The following RNF180 variants were observed in gnomAD, a reference collection of about 807,000 sequenced individuals.
The protein encoded by RNF180 is ring finger protein 180.
RNF180 carries 38 observed loss-of-function variants against 59.2 expected under a neutral mutation model. The ratio of observed to expected loss-of-function variants is 0.64; its 90% CI spans 0.50 to 0.84. The LOEUF is 0.84. RNF180 is among the 40% of genes least tolerant of loss of function. The pLI is 0.00. For missense variants in RNF180, 705 were observed against 700.9 expected (o/e 1.01, Z -0.07); for synonymous variants, 262 against 240.3 (o/e 1.09, Z -0.84).
chr5:64,282,700 A>G (rs935122468), intron 5 of RNF180, among the ~76,000 whole-genome samples: 1 of 152,026 alleles, frequency 6.6e-6, no homozygotes, highest in South Asian at 2.1e-4. Context: ...ACACTGTTTT[A>G]GTTGTTTTCC....
intron 5 of RNF180, among the ~76,000 whole-genome samples, chr5:64,281,389 C>G (rs1742003729): frequency 6.6e-6 from 1 of 152,228 alleles, no homozygotes; most frequent in Non-Finnish European, 1.5e-5. Flanking sequence ...AGTTCTTAAG[C>G]AGAATGCTTC....
chr5:64,226,471 G>T (rs558482576), intron 5 of RNF180, among the ~76,000 whole-genome samples: 157 of 152,192 alleles, frequency 1.0e-3, no homozygotes, highest in African/African-American at 3.6e-3. Context: ...CAGCATGCTC[G>T]TTAAGAGTCA....
chr5:64,169,812 G>T (rs1367501359), intron 1 of RNF180, among the ~76,000 whole-genome samples: 1 of 152,192 alleles, frequency 6.6e-6, no homozygotes, highest in African/African-American at 2.4e-5. Flanking sequence ...AAGAAGTCTT[G>T]TGCAGCTATA....
chr5:64,213,766 G>C lies in RNF180; in HGVS notation c.440G>C (p.Cys147Ser). 2 of 1,614,194 alleles carry C rather than the reference G, an allele frequency of 1.2e-6. No homozygotes were observed. The highest frequency in any genetic ancestry group is 8.5e-7 in the Non-Finnish European group (1 of 1,180,024). ...TCACATCCTAGAGTTCAGTCAGGTT[G>C]TGACAAGGAAGCTCTGCTGACAGGT... is the stretch of plus-strand genomic sequence containing the variant. ...YLSHPRVQSGCDKEALLTGGG... is the reference protein window; with the variant it reads ...YLSHPRVQSGSDKEALLTGGG... The change falls in exon 4 of 8, where the codon TGT (cysteine) becomes TCT (serine). Residue 147 changes from cysteine to serine, a missense_variant. Transcript: ENST00000389100.
chr5:64,189,532 GGTA>G (rs1751033770), intron 1 of RNF180, among the ~76,000 whole-genome samples: 1 of 152,170 alleles, frequency 6.6e-6, no homozygotes, highest in Non-Finnish European at 1.5e-5. Flanking sequence ...CTTTGTGGAA[GGTA>G]GAACTTGTGA....
At chr5:64,347,013 GA>G (rs1441493871) in intron 7 of RNF180, among the ~76,000 whole-genome samples, 1 of 152,164 alleles carries the variant, frequency 6.6e-6, no homozygotes, top group Non-Finnish European at 1.5e-5. Context: ...TAAAAGAGAC[GA>G]ACAGTGTTTG....
At chr5:64,204,504 C>CT (rs1264091255) in intron 2 of RNF180, among the ~76,000 whole-genome samples, 1 of 152,082 alleles carries the variant, frequency 6.6e-6, no homozygotes, top group African/African-American at 2.4e-5. Context: ...TGCAAAATGT[C>CT]TTTTTTTCTT....
intron 5 of RNF180, among the ~76,000 whole-genome samples, chr5:64,300,231 T>C (rs192189173): frequency 5.7e-4 from 87 of 151,884 alleles, no homozygotes; most frequent in African/African-American, 2.1e-3. Flanking sequence ...TAAGAATGAG[T>C]ATTTTGTGTG....
chr5:64,239,738 G>A (rs925495149), intron 5 of RNF180, among the ~76,000 whole-genome samples: 5 of 151,784 alleles, frequency 3.3e-5, no homozygotes, highest in Admixed American at 6.6e-5. Flanking sequence ...ATATCTCCTT[G>A]GATATAAATA....
intron 2 of RNF180, among the ~76,000 whole-genome samples, chr5:64,206,590 A>T (rs532610775): frequency 6.6e-5 from 10 of 152,316 alleles, no homozygotes; most frequent in Non-Finnish European, 1.0e-4. Flanking sequence ...GTGATACCGT[A>T]TATTTGTTCC....
intron 5 of RNF180, among the ~76,000 whole-genome samples, chr5:64,285,344 C>G (rs1047761951): frequency 2.6e-5 from 4 of 152,164 alleles, no homozygotes; most frequent in African/African-American, 4.8e-5. Flanking sequence ...GTATACATAT[C>G]AGCTGGGGTG....
chr5:64,256,904 A>C (rs940367718), intron 5 of RNF180, among the ~76,000 whole-genome samples: 3 of 152,144 alleles, frequency 2.0e-5, no homozygotes, highest in African/African-American at 7.2e-5. Flanking sequence ...GTTCTTCTTG[A>C]AGAGGTCCTT....
chr5:64,207,874 T>C (rs1752100395), intron 2 of RNF180, among the ~76,000 whole-genome samples: 1 of 152,146 alleles, frequency 6.6e-6, no homozygotes, highest in Non-Finnish European at 1.5e-5. Flanking sequence ...GTCTTTTCCC[T>C]GTGGTGTTAG....
At chr5:64,189,382 A>AT (rs1402584263) in intron 1 of RNF180, among the ~76,000 whole-genome samples, 1 of 152,190 alleles carries the variant, frequency 6.6e-6, no homozygotes, top group Non-Finnish European at 1.5e-5. Flanking sequence ...AGGAATGTGG[A>AT]TGTTAAAGGT....
chr5:64,362,798 G>A (rs184980198), intron 7 of RNF180, among the ~76,000 whole-genome samples: 7 of 151,810 alleles, frequency 4.6e-5, no homozygotes, highest in Non-Finnish European at 1.0e-4. Context: ...GGTGTGAGAT[G>A]GTATCTCATT....
At chr5:64,224,375 C>T (rs1305424840) in intron 5 of RNF180, among the ~76,000 whole-genome samples, 2 of 151,998 alleles carry the variant, frequency 1.3e-5, no homozygotes, top group Non-Finnish European at 2.9e-5. Flanking sequence ...AATATAGGCC[C>T]TGGCAGTAAA....
chr5:64,336,882 T>C (rs1460004051), intron 7 of RNF180, among the ~76,000 whole-genome samples: 2 of 152,144 alleles, frequency 1.3e-5, no homozygotes, highest in African/African-American at 4.8e-5. Flanking sequence ...TCTTTCATTG[T>C]AAGGAATTCT....
At chr5:64,224,917 T>C (rs772469420) in intron 5 of RNF180, among the ~76,000 whole-genome samples, 29 of 152,302 alleles carry the variant, frequency 1.9e-4, no homozygotes, top group Non-Finnish European at 3.2e-4. Flanking sequence ...CCTTCTGCCA[T>C]GTGAGGATGC....
chr5:64,218,225 G>A (rs1561197486), intron 5 of RNF180, among the ~76,000 whole-genome samples: 1 of 151,998 alleles, frequency 6.6e-6, no homozygotes, highest in African/African-American at 2.4e-5. Flanking sequence ...TTCTCCTATG[G>A]TTTCTTCAAA....
Sources: allele counts gnomAD v4.1 joint callset (sites outside exome capture counted in the v4.1 genomes callset), GRCh38; gene constraint gnomAD v4.1.1; transcripts MANE v1.5; gene names NCBI Gene and HGNC (gene_info 2026-07-23, HGNC 2026-07-21).